SLC10A7: variants seen among roughly 807,000 people sequenced by gnomAD.
The protein encoded by SLC10A7 is solute carrier family 10 member 7.
Under a neutral mutation model 43.2 loss-of-function variants are expected in SLC10A7, and 29 were observed. That is an observed-to-expected ratio of 0.67 (90% CI 0.50 to 0.92). The LOEUF is 0.92. SLC10A7 is among the 40% of genes least tolerant of loss of function. The pLI is 0.00. For missense variants in SLC10A7, 295 were observed against 403.2 expected (o/e 0.73, Z 2.30); for synonymous variants, 152 against 144.8 (o/e 1.05, Z -0.35).
chr4:146,425,346 C>T (rs4835306), intron 5 of SLC10A7, among the ~76,000 whole-genome samples: 31,497 of 152,144 alleles, frequency 0.21, 3,365 homozygotes, highest in African/African-American at 0.22. Flanking sequence ...CTTTCACCAG[C>T]GCTCTCCAGT....
At position 146,287,672 on chromosome 4, in the gene SLC10A7, G is replaced by T. The variant is rs146229557; in HGVS notation, c.774-4407C>A. ...CATGCAGGAGTGAGTGCCCTCCAGT[G>T]ATTGTAGAACATGTAATGTGATCAG... On this transcript the variant is annotated intron_variant, in intron 9 of 11. Coordinates refer to ENST00000335472, the MANE Select transcript of SLC10A7 (RefSeq NM_001029998.6). Among the ~76,000 whole-genome samples the T allele has an allele frequency of 3.3e-3, 502 of 152,324 alleles. 1 individual carries two copies. Among genetic ancestry groups the T allele is most frequent in the Non-Finnish European group, 5.1e-3 (344 of 68,030 alleles).
intron 5 of SLC10A7, among the ~76,000 whole-genome samples, chr4:146,341,081 AC>A (rs893146315): frequency 6.6e-6 from 1 of 151,942 alleles, no homozygotes; most frequent in African/African-American, 2.4e-5. Context: ...ATGGATTTTC[AC>A]TAACAGTAGC....
chr4:146,441,975 C>T (rs1730636607), intron 5 of SLC10A7: 1 of 981,146 alleles, frequency 1.0e-6, no homozygotes, highest in South Asian at 4.7e-5. Flanking sequence ...ACTGATTTTA[C>T]TCTCAATTAT....
chr4:146,293,084 G>A, intron 8 of SLC10A7, 104 bp from the exon 9 acceptor site: 1 of 680,380 alleles, frequency 1.5e-6, no homozygotes, highest in Non-Finnish European at 2.4e-6. Context: ...AACTAAAAAA[G>A]AAAAACAAAC....
intron 6 of SLC10A7, among the ~76,000 whole-genome samples, chr4:146,320,508 G>T (rs762623265): frequency 2.0e-5 from 3 of 152,006 alleles, no homozygotes; most frequent in Non-Finnish European, 4.4e-5. Context: ...GATAGGAGCT[G>T]TTAATCAGAG....
intron 5 of SLC10A7, among the ~76,000 whole-genome samples, chr4:146,376,189 T>TCCA (rs2149785680): frequency 6.6e-6 from 1 of 152,240 alleles, no homozygotes; most frequent in South Asian, 2.1e-4. Context: ...CCTGAGGCTA[T>TCCA]CTAGGAGTTC....
At chr4:146,443,970 A>G (rs1211237737) in intron 4 of SLC10A7, among the ~76,000 whole-genome samples, 1 of 152,126 alleles carries the variant, frequency 6.6e-6, no homozygotes, top group Admixed American at 6.5e-5. Context: ...GACCAGGGAA[A>G]CCTTTGCTTC....
chr4:146,395,485 A>T (rs1370933899), intron 5 of SLC10A7, among the ~76,000 whole-genome samples: 1 of 152,220 alleles, frequency 6.6e-6, no homozygotes, highest in African/African-American at 2.4e-5. Context: ...GCAGAAGTTC[A>T]TTCAGGCAGA....
At chr4:146,259,044 G>A (rs1311644936) in intron 10 of SLC10A7, among the ~76,000 whole-genome samples, 1 of 152,194 alleles carries the variant, frequency 6.6e-6, no homozygotes, top group African/African-American at 2.4e-5. Flanking sequence ...AGGATAAGGT[G>A]GAAAGATGGT....
At chr4:146,348,828 T>A (rs1344750539) in intron 5 of SLC10A7, among the ~76,000 whole-genome samples, 1 of 152,158 alleles carries the variant, frequency 6.6e-6, no homozygotes, top group Non-Finnish European at 1.5e-5. Flanking sequence ...TTCTATTACT[T>A]TAAAGAGTGT....
intron 10 of SLC10A7, among the ~76,000 whole-genome samples, chr4:146,277,601 A>T (rs184458712): frequency 6.6e-6 from 1 of 152,296 alleles, no homozygotes; most frequent in Admixed American, 6.5e-5. Flanking sequence ...AAGACTCCCA[A>T]ACTGCCTTTC....
chr4:146,271,696 A>C (rs1294395334), intron 10 of SLC10A7, among the ~76,000 whole-genome samples: 1 of 152,070 alleles, frequency 6.6e-6, no homozygotes, highest in Admixed American at 6.6e-5. Context: ...AAGGCCTAAC[A>C]CAATATTATT....
At chr4:146,367,318 T>A (rs1736465210) in intron 5 of SLC10A7, among the ~76,000 whole-genome samples, 1 of 152,158 alleles carries the variant, frequency 6.6e-6, no homozygotes, top group African/African-American at 2.4e-5. Context: ...CTTTCTGTAA[T>A]GACATGTTCT....
intron 4 of SLC10A7, among the ~76,000 whole-genome samples, chr4:146,479,716 T>C (rs767070932): frequency 6.6e-6 from 1 of 152,128 alleles, no homozygotes; most frequent in Non-Finnish European, 1.5e-5. Context: ...CACAACAATA[T>C]GAATATACTT....
intron 5 of SLC10A7, among the ~76,000 whole-genome samples, chr4:146,395,969 ATTC>A (rs1258412912): frequency 6.6e-6 from 1 of 152,158 alleles, no homozygotes; most frequent in Non-Finnish European, 1.5e-5. Context: ...GACACTGATC[ATTC>A]TTCTTTCTTT....
At chr4:146,256,835 G>A in intron 11 of SLC10A7, 1 of 1,533,398 alleles carries the variant, frequency 6.5e-7, no homozygotes, top group Non-Finnish European at 8.7e-7. Context: ...CCTGGAGGAT[G>A]GACTCTTGGT....
chr4:146,437,657 C>A (rs1481850968), intron 5 of SLC10A7, among the ~76,000 whole-genome samples: 1 of 151,950 alleles, frequency 6.6e-6, no homozygotes, highest in Non-Finnish European at 1.5e-5. Context: ...AAATAAGAGA[C>A]CCCATAAACC....
chr4:146,280,419 A>G (rs1395728922), intron 10 of SLC10A7, among the ~76,000 whole-genome samples: 3 of 152,134 alleles, frequency 2.0e-5, no homozygotes, highest in African/African-American at 4.8e-5. Flanking sequence ...GGATGTTGAT[A>G]TTTTGGAGGC....
At chr4:146,289,957 A>G (rs758163742) in intron 9 of SLC10A7, among the ~76,000 whole-genome samples, 6 of 148,864 alleles carry the variant, frequency 4.0e-5, no homozygotes, top group Middle Eastern at 3.4e-3. Flanking sequence ...CTCGTGATCC[A>G]CCCACCTTGG....
Sources: gnomAD v4.1 joint callset for allele counts (sites outside exome capture counted in the v4.1 genomes callset) on GRCh38, gnomAD v4.1.1 for gene constraint, MANE v1.5 for transcripts, NCBI Gene and HGNC (gene_info 2026-07-23, HGNC 2026-07-21) for gene names.